Variants in NMNAT2 observed in about 807,000 individuals in gnomAD.
NMNAT2 encodes nicotinamide nucleotide adenylyltransferase 2.
Under a neutral mutation model 41.6 loss-of-function variants are expected in NMNAT2, and 11 were observed. The ratio of observed to expected loss-of-function variants is 0.26; its 90% CI spans 0.17 to 0.44. NMNAT2 has a LOEUF of 0.44. NMNAT2 is among the 20% of genes least tolerant of loss of function. NMNAT2 has a pLI of 1.00. For missense variants in NMNAT2, 288 were observed against 407.7 expected (o/e 0.71, Z 2.53); for synonymous variants, 148 against 151.2 (o/e 0.98, Z 0.16).
At chr1:183,372,599 C>T (rs924536670) in intron 1 of NMNAT2, among the ~76,000 whole-genome samples, 2 of 152,196 alleles carry the variant, frequency 1.3e-5, no homozygotes, top group South Asian at 4.1e-4. Context: ...AGTTCAGAAC[C>T]TACTGCAAAA....
At chr1:183,298,050 T>C (rs1181264412) in intron 1 of NMNAT2, among the ~76,000 whole-genome samples, 1 of 152,152 alleles carries the variant, frequency 6.6e-6, no homozygotes, top group Non-Finnish European at 1.5e-5. Flanking sequence ...GAAAGAAACG[T>C]CCTCGACTTG....
intron 1 of NMNAT2, among the ~76,000 whole-genome samples, chr1:183,386,012 G>A (rs1648232864): frequency 6.6e-6 from 1 of 152,122 alleles, no homozygotes; most frequent in Non-Finnish European, 1.5e-5. Context: ...ACAATGTCAG[G>A]GAAGCTCCAG....
At chr1:183,344,550 C>T (rs1471866699) in intron 1 of NMNAT2, among the ~76,000 whole-genome samples, 1 of 152,172 alleles carries the variant, frequency 6.6e-6, no homozygotes, top group East Asian at 1.9e-4. Context: ...CTACTTAGAG[C>T]TGGCACTTAG....
chr1:183,347,225 T>A (rs1375943283), intron 1 of NMNAT2, among the ~76,000 whole-genome samples: 2 of 152,104 alleles, frequency 1.3e-5, no homozygotes, highest in Non-Finnish European at 2.9e-5. Context: ...AGGCCGAGGC[T>A]AGAGGATTGC....
intron 10 of NMNAT2, among the ~76,000 whole-genome samples, chr1:183,258,413 AACTT>A (rs1660573051): frequency 6.6e-6 from 1 of 152,220 alleles, no homozygotes; most frequent in Non-Finnish European, 1.5e-5. Context: ...AAAGAGATCT[AACTT>A]AACCGACTCC....
intron 1 of NMNAT2, among the ~76,000 whole-genome samples, chr1:183,319,947 C>T (rs1425798365): frequency 6.6e-6 from 1 of 152,242 alleles, no homozygotes; most frequent in Non-Finnish European, 1.5e-5. Flanking sequence ...CCACTATTAA[C>T]AGCCTCTCCC....
At chr1:183,346,626 T>G (rs1248742864) in intron 1 of NMNAT2, among the ~76,000 whole-genome samples, 2 of 152,184 alleles carry the variant, frequency 1.3e-5, no homozygotes, top group African/African-American at 4.8e-5. Context: ...GGAAGTCTCC[T>G]CTGCTTTAAC....
chr1:183,400,867 A>G (rs1346885191), intron 1 of NMNAT2, among the ~76,000 whole-genome samples: 1 of 152,224 alleles, frequency 6.6e-6, no homozygotes, highest in Non-Finnish European at 1.5e-5. Flanking sequence ...CCATATGTAG[A>G]AAGCTGAAAC....
At chr1:183,369,168 G>A (rs892159651) in intron 1 of NMNAT2, among the ~76,000 whole-genome samples, 27 of 151,958 alleles carry the variant, frequency 1.8e-4, no homozygotes, top group African/African-American at 3.4e-4. Context: ...TTTAACATGG[G>A]CCAGGTTCAG....
rs182880250 is a variant in NMNAT2 at position 183,304,802 on chromosome 1, A to T, written c.86-11009T>A. On this transcript the variant is annotated intron_variant, in intron 1 of 10. Transcript: ENST00000287713. ...TGTGCTGGCCATCAGAGAGTAACAC[A>T]AAGTGGTGCAGCTGCTCCCTCATTG... 1.2e-5 allele frequency: 19 copies of T among 1,610,480 alleles called. No homozygotes were observed. The African/African-American group carries it at 2.4e-4, about 20-fold the overall frequency.
chr1:183,321,579 T>C (rs1557877534), intron 1 of NMNAT2, among the ~76,000 whole-genome samples: 2 of 151,902 alleles, frequency 1.3e-5, no homozygotes, highest in African/African-American at 4.8e-5. Context: ...CCATCTCTAC[T>C]AAAAATACAA....
chr1:183,295,519 T>A (rs12077208), intron 1 of NMNAT2, among the ~76,000 whole-genome samples: 83,819 of 152,020 alleles, frequency 0.55, 24,441 homozygotes, highest in Non-Finnish European at 0.64. Context: ...TGACAAATCA[T>A]TATTAACACA....
At chr1:183,329,933 T>C (rs891011208) in intron 1 of NMNAT2, among the ~76,000 whole-genome samples, 2 of 152,236 alleles carry the variant, frequency 1.3e-5, no homozygotes, top group Non-Finnish European at 2.9e-5. Context: ...CTAGAATTCA[T>C]GTTTACTGAC....
Position 183,348,665 on chromosome 1 carries a change from A to T in NMNAT2, c.86-54872T>A, listed in dbSNP as rs140412927. Among the ~76,000 whole-genome samples, 59 of 152,344 alleles carry T rather than the reference A, an allele frequency of 3.9e-4. 2 individuals carry two copies. The East Asian group carries it at 0.011, about 27-fold the overall frequency. ...TCCTGATACTTGCACAATAAGGGGC[A>T]TTTCAAGTAGGATCCCTTTGCTTTA... On this transcript the variant is annotated intron_variant, in intron 1 of 10. Transcript: ENST00000287713.
At chr1:183,297,857 C>T (rs1227089691) in intron 1 of NMNAT2, among the ~76,000 whole-genome samples, 1 of 152,154 alleles carries the variant, frequency 6.6e-6, no homozygotes, top group Admixed American at 6.5e-5. Flanking sequence ...GAATTATACA[C>T]TGTGACTAAG....
At chr1:183,284,956 T>A (rs1349281243) in intron 5 of NMNAT2, among the ~76,000 whole-genome samples, 166 bp from the exon 6 acceptor site, 1 of 152,130 alleles carries the variant, frequency 6.6e-6, no homozygotes, top group African/African-American at 2.4e-5. Context: ...AACAGAAATA[T>A]GACAGCACAA....
chr1:183,308,697 C>A (rs952520187), intron 1 of NMNAT2, among the ~76,000 whole-genome samples: 1 of 152,256 alleles, frequency 6.6e-6, no homozygotes, highest in African/African-American at 2.4e-5. Context: ...AATCACAGAA[C>A]AATACCAAAT....
chr1:183,357,705 G>A (rs935152307), intron 1 of NMNAT2, among the ~76,000 whole-genome samples: 2 of 152,182 alleles, frequency 1.3e-5, no homozygotes, highest in Non-Finnish European at 2.9e-5. Flanking sequence ...TCTGACCGGT[G>A]TAAGATGATA....
intron 1 of NMNAT2, among the ~76,000 whole-genome samples, chr1:183,299,230 G>A (rs1474185323): frequency 6.6e-6 from 1 of 152,090 alleles, no homozygotes; most frequent in East Asian, 1.9e-4. Flanking sequence ...AAATTAGCTG[G>A]GCATGGTGGG....
Sources: allele counts gnomAD v4.1 joint callset (sites outside exome capture counted in the v4.1 genomes callset), GRCh38; gene constraint gnomAD v4.1.1; transcripts MANE v1.5; gene names NCBI Gene and HGNC (gene_info 2026-07-23, HGNC 2026-07-21).